PIGN: variants seen among roughly 807,000 people sequenced by gnomAD.
PIGN encodes phosphatidylinositol glycan anchor biosynthesis class N.
PIGN carries 117 observed loss-of-function variants against 125.4 expected under a neutral mutation model. That is an observed-to-expected ratio of 0.93 (90% CI 0.80 to 1.09). PIGN has a LOEUF of 1.09. Among genes scored for constraint, PIGN ranks in the 50% least tolerant of loss-of-function variants. The pLI, the probability that PIGN is intolerant of heterozygous loss-of-function variation, is 0.00. For missense variants in PIGN, 1,075 were observed against 1,094.9 expected, an observed-to-expected ratio of 0.98 and a Z score of 0.26; for synonymous variants, 392 against 377.8, an observed-to-expected ratio of 1.04 and a Z score of -0.44.
chr18:62,098,054 AC>A (rs1439643022), intron 22 of PIGN, among the ~76,000 whole-genome samples: 4 of 152,206 alleles, frequency 2.6e-5, no homozygotes, highest in Non-Finnish European at 5.9e-5. Flanking sequence ...GCAGAAATTT[AC>A]CCACCTGTCA....
intron 14 of PIGN, chr18:62,137,833 G>A (rs1337444373): frequency 6.2e-6 from 1 of 160,152 alleles, no homozygotes; most frequent in East Asian, 1.9e-4. Flanking sequence ...ATCTTCAAAT[G>A]TAAGTTGAAC....
At chr18:62,131,263 T>C (rs2035726141) in intron 14 of PIGN, among the ~76,000 whole-genome samples, 1 of 152,186 alleles carries the variant, frequency 6.6e-6, no homozygotes, top group South Asian at 2.1e-4. Context: ...AATAAAAAAG[T>C]AACAAATATT....
At chr18:62,176,230 G>C (rs2037521523) in intron 1 of PIGN, among the ~76,000 whole-genome samples, 1 of 151,930 alleles carries the variant, frequency 6.6e-6, no homozygotes, top group Non-Finnish European at 1.5e-5. Flanking sequence ...AATACAATGA[G>C]ATATTAATGA....
chr18:62,040,234 C>A (rs1316290953), downstream of PIGN, among the ~76,000 whole-genome samples: 2 of 134,664 alleles, frequency 1.5e-5, no homozygotes, highest in East Asian at 2.6e-4. Context: ...ATGTTTAGGG[C>A]CCCATCCAGG....
chr18:62,161,323 T>C lies in PIGN; in HGVS notation c.31A>G (p.Ile11Val). The change falls in exon 4 of 31, where the codon ATA becomes GTA. Residue 11 changes from isoleucine to valine, a missense_variant. Coordinates refer to ENST00000640252, the MANE Select transcript of PIGN (RefSeq NM_176787.5). MLLFFTLGLL[I>V]HFVFFASIFD... is the part of the protein sequence containing the mutation. ...ATGGAGGCGAAGAACACAAAATGTATAAGCAATCCCAAAGTAAAGAACAGC... is the reference window on the plus strand; with the variant it reads ...ATGGAGGCGAAGAACACAAAATGTACAAGCAATCCCAAAGTAAAGAACAGC... 6.2e-7 allele frequency: 1 copy of C among 1,613,088 alleles called. No individual in the cohort carries two copies. The highest frequency in any genetic ancestry group is 8.5e-7 in the Non-Finnish European group (1 of 1,179,424).
chr18:62,078,332 A>T (rs1750527224), intron 28 of PIGN, among the ~76,000 whole-genome samples: 1 of 152,216 alleles, frequency 6.6e-6, no homozygotes, highest in Non-Finnish European at 1.5e-5. Flanking sequence ...TTCCAGAGCA[A>T]ATCTTCATAT....
Position 62,041,638 on chromosome 18 carries a change from CGGGTGTGTGTGTGTGTGTGTGT to C in PIGN, c.*4196_*4217del, listed in dbSNP as rs1484795789. On this transcript the variant is annotated 3_prime_UTR_variant, in exon 31 of 31. Transcript: ENST00000640252. ...GGATTACAGGAGCCTACCACCCCGC[CGGGTGTGTGTGTGTGTGTGTGT>C]GTGTGTGTGTGTGTGTGTGTGTGTG... is the stretch of plus-strand genomic sequence containing the variant. 4 of 95,236 alleles carry C rather than the reference CGGGTGTGTGTGTGTGTGTGTGT, an allele frequency of 4.2e-5. No homozygotes were observed. The highest frequency in any genetic ancestry group is 3.5e-4 in the South Asian group (1 of 2,856). 5.9% of individuals were successfully genotyped at this position (95,236 alleles called of 1,614,324 possible).
intron 30 of PIGN, among the ~76,000 whole-genome samples, chr18:62,066,693 C>T (rs2032541628): frequency 6.6e-6 from 1 of 152,158 alleles, no homozygotes; most frequent in Non-Finnish European, 1.5e-5. Context: ...CAATGCACAG[C>T]CTTGCTGTGA....
intron 29 of PIGN, among the ~76,000 whole-genome samples, chr18:62,073,511 A>G (rs1029271188): frequency 6.6e-6 from 1 of 152,190 alleles, no homozygotes; most frequent in African/African-American, 2.4e-5. Context: ...TATATCACAA[A>G]TGGCTGTTCA....
downstream of PIGN, among the ~76,000 whole-genome samples, chr18:62,039,233 G>C (rs938955606): frequency 6.6e-6 from 1 of 151,908 alleles, no homozygotes; most frequent in African/African-American, 2.4e-5. Context: ...TTTTACAATA[G>C]TTTTATAGAA....
chr18:62,186,041 A>ATTTT (rs755658401), intron 1 of PIGN, among the ~76,000 whole-genome samples: 5 of 102,230 alleles, frequency 4.9e-5, no homozygotes, highest in Non-Finnish European at 7.7e-5. Context: ...AGCGGAATTG[A>ATTTT]TTTTTTTTTT....
At chr18:62,048,139 C>T (rs528174273) in intron 30 of PIGN, among the ~76,000 whole-genome samples, 1 of 152,096 alleles carries the variant, frequency 6.6e-6, no homozygotes. Flanking sequence ...GATAAAACAA[C>T]AGAATTTACC....
chr18:62,064,485 A>AT (rs1349892456), intron 30 of PIGN, among the ~76,000 whole-genome samples: 2 of 152,126 alleles, frequency 1.3e-5, no homozygotes, highest in Admixed American at 6.5e-5. Flanking sequence ...TTCAATATGT[A>AT]TTTTTTTCTG....
intron 22 of PIGN, among the ~76,000 whole-genome samples, chr18:62,096,516 CTTTTTTTTTTTTTTTTTT>C (rs398033140): frequency 1.2e-5 from 1 of 85,668 alleles, no homozygotes; most frequent in Non-Finnish European, 2.0e-5. Flanking sequence ...GAATTATTTT[CTTTTTTTTTTTTTTTTTT>C]TTTTTTTTTA....
chr18:62,119,412 G>T (rs1337159458), intron 14 of PIGN, among the ~76,000 whole-genome samples: 1 of 152,120 alleles, frequency 6.6e-6, no homozygotes, highest in African/African-American at 2.4e-5. Flanking sequence ...ACAAAGAACA[G>T]AATCTATTTT....
intron 23 of PIGN, among the ~76,000 whole-genome samples, chr18:62,034,423 T>C (rs1292708989): frequency 6.6e-6 from 1 of 152,036 alleles, no homozygotes; most frequent in Non-Finnish European, 1.5e-5. Flanking sequence ...CCCAGAATGG[T>C]AGATCCACCA....
chr18:62,161,943 G>A (rs2036968232), intron 3 of PIGN, among the ~76,000 whole-genome samples: 1 of 151,194 alleles, frequency 6.6e-6, no homozygotes, highest in Admixed American at 6.6e-5. Context: ...TTACCATATT[G>A]AGCAGGAAAC....
chr18:62,107,639 A>T (rs1194732035), intron 17 of PIGN: 1 of 152,704 alleles, frequency 6.5e-6, no homozygotes, highest in Non-Finnish European at 1.5e-5. Flanking sequence ...CTTGGTTTTT[A>T]TAAGCATTAA....
chr18:62,116,991 T>C (rs560837196), intron 14 of PIGN, among the ~76,000 whole-genome samples: 27 of 152,222 alleles, frequency 1.8e-4, no homozygotes, highest in African/African-American at 6.5e-4. Context: ...TATGTTATGT[T>C]ATATTATATT....
Sources: gnomAD v4.1 joint callset for allele counts (sites outside exome capture counted in the v4.1 genomes callset) on GRCh38, gnomAD v4.1.1 for gene constraint, MANE v1.5 for transcripts, NCBI Gene and HGNC (gene_info 2026-07-23, HGNC 2026-07-21) for gene names.